Variants in NUGGC observed in about 807,000 individuals in gnomAD.
NUGGC encodes nuclear GTPase, germinal center associated.
A neutral mutation model predicts 92.6 loss-of-function variants in NUGGC; 58 were observed. The ratio of observed to expected loss-of-function variants is 0.63; its 90% CI spans 0.51 to 0.78. The LOEUF (loss-of-function observed/expected upper bound fraction) is 0.78, where lower values mean the gene tolerates loss of function less well. NUGGC is among the 30% of genes least tolerant of loss of function. The pLI, the probability that NUGGC is intolerant of heterozygous loss-of-function variation, is 0.00. For synonymous variants in NUGGC, 376 were observed against 366.4 expected, an observed-to-expected ratio of 1.03 and a Z score of -0.30; for missense variants, 925 against 964.6, an observed-to-expected ratio of 0.96 and a Z score of 0.54.
Position 28,068,124 on chromosome 8 carries a change from A to C in NUGGC, c.480+92T>G, listed in dbSNP as rs1810491221. On this transcript the variant is annotated intron_variant, in intron 5 of 18. Coordinates refer to ENST00000413272, the MANE Select transcript of NUGGC (RefSeq NM_001010906.2). Reference sequence around the variant, plus strand: ...GGGAGAGAGGGAGGGAAGAGGAAGGAAGGAAGAAAGAAAGGAAGGAGGGAA... The same window carrying C: ...GGGAGAGAGGGAGGGAAGAGGAAGGCAGGAAGAAAGAAAGGAAGGAGGGAA... 2 of 720,514 alleles carry C rather than the reference A, an allele frequency of 2.8e-6. 1 individual carries two copies. 44.6% of individuals were successfully genotyped at this position (720,514 alleles called of 1,614,324 possible). A position where few individuals can be genotyped will look rare whatever the true frequency, so the allele number is the denominator to read the frequency against.
chr8:28,045,548 G>A lies in NUGGC; in HGVS notation c.1425C>T (p.Phe475=). 6.2e-7 allele frequency: 1 copy of A among 1,612,414 alleles called. No individual in the cohort carries two copies. Among genetic ancestry groups the A allele is most frequent in the Non-Finnish European group, 8.5e-7 (1 of 1,179,684 alleles). ...AFGLLLLTDS[F]NSTQNLPNEH... is the part of the protein sequence containing the mutation. ...ATACCGGCAGGTTTTGCGTGGAGTT[G>A]AAACTATCTGTGAGGAGCAACAGGC... is the stretch of plus-strand genomic sequence containing the variant. The change falls in exon 12 of 19, where the codon TTC becomes TTT. Residue 475 remains phenylalanine (F), a synonymous_variant. Coordinates refer to ENST00000413272, the MANE Select transcript of NUGGC (RefSeq NM_001010906.2).
At chr8:28,081,592 C>T (rs1283367105) in intron 1 of NUGGC, among the ~76,000 whole-genome samples, 2 of 151,996 alleles carry the variant, frequency 1.3e-5, no homozygotes, top group Admixed American at 1.3e-4. Context: ...AAAGAATCTT[C>T]GATCAGCTGG....
chr8:28,037,597 C>T (rs533960713), intron 13 of NUGGC, among the ~76,000 whole-genome samples: 1 of 152,314 alleles, frequency 6.6e-6, no homozygotes, highest in East Asian at 1.9e-4. Context: ...GAACTCTACT[C>T]CTGCCTCCAG....
At chr8:28,033,363 G>A (rs2130090289) in intron 14 of NUGGC, among the ~76,000 whole-genome samples, 177 bp downstream of exon 14, 1 of 152,294 alleles carries the variant, frequency 6.6e-6, no homozygotes, top group East Asian at 1.9e-4. Context: ...GTCATCATGG[G>A]AAATTTTTAA....
chr8:28,041,658 A>T (rs1337821473), intron 12 of NUGGC, among the ~76,000 whole-genome samples: 1 of 152,224 alleles, frequency 6.6e-6, no homozygotes, highest in Non-Finnish European at 1.5e-5. Flanking sequence ...ATACAAATCA[A>T]CAGGAGATCT....
At chr8:28,033,832 T>C (rs1483909377) in intron 13 of NUGGC, 135 bp from the exon 14 acceptor site, 16 of 821,486 alleles carry the variant, frequency 1.9e-5, no homozygotes, top group Non-Finnish European at 3.1e-5. Flanking sequence ...TTTAAATATA[T>C]GATTAAACTA....
In NUGGC at chr8:28,034,766, G is replaced by A. The variant is rs570377945; in HGVS notation, c.1612-1069C>T. Among the ~76,000 whole-genome samples the A allele has an allele frequency of 1.4e-4, 21 of 152,132 alleles. No individual in the cohort carries two copies. The East Asian group carries it at 2.7e-3, about 20-fold the overall frequency. On this transcript the variant is annotated intron_variant, in intron 13 of 18. Transcript: ENST00000413272. ...TGGGAGGCAGAGGTTGCAGTGAGCC[G>A]AGATCGCAGCACTGCACTCCAGCCT...
rs572233207 is a variant in NUGGC, at chr8:28,063,836, G to T, written c.921+686C>A. On this transcript the variant is annotated intron_variant, in intron 7 of 18. Coordinates refer to ENST00000413272, the MANE Select transcript of NUGGC (RefSeq NM_001010906.2). Reference sequence around the variant, plus strand: ...TGCTGCTCACAACTCACTGATGCTGGTCCCCCTCTCCCAGTCCCCTTCCAG... The same window carrying T: ...TGCTGCTCACAACTCACTGATGCTGTTCCCCCTCTCCCAGTCCCCTTCCAG... 2.6e-5 allele frequency among the ~76,000 whole-genome samples: 4 copies of T among 152,218 alleles called. No homozygotes were observed. The East Asian group carries it at 7.7e-4, about 29-fold the overall frequency.
intron 1 of NUGGC, among the ~76,000 whole-genome samples, chr8:28,082,204 T>C (rs575830015): frequency 2.0e-5 from 3 of 152,338 alleles, no homozygotes; most frequent in African/African-American, 7.2e-5. Context: ...GTTTTCAGCA[T>C]TAACACATCG....
At chr8:28,078,196 A>T (rs1291196432) in intron 1 of NUGGC, among the ~76,000 whole-genome samples, 1 of 152,316 alleles carries the variant, frequency 6.6e-6, no homozygotes, top group South Asian at 2.1e-4. Context: ...ATTTGGAATC[A>T]TTGGAAATTA....
At position 28,067,509 on chromosome 8, in the gene NUGGC, G is replaced by A. The variant is rs760175338; in HGVS notation, c.711+5C>T. ...AAATCAAGGAAAAAACGAACTTGAC[G>A]CTACCTCTTCCGCCTTGAGGGTGAT... On this transcript the variant is annotated splice_donor_5th_base_variant and intron_variant, in intron 6 of 18. Transcript: ENST00000413272. 8.8e-6 allele frequency: 14 copies of A among 1,590,416 alleles called. No individual in the cohort carries two copies. The highest frequency in any genetic ancestry group is 6.7e-5 in the African/African-American group (5 of 74,472).
Position 28,023,157 on chromosome 8 carries a change from G to C in NUGGC, c.*160C>G. The C allele has an allele frequency of 1.4e-6, 1 of 702,680 alleles. No homozygotes were observed. Among genetic ancestry groups the C allele is most frequent in the South Asian group, 2.2e-5 (1 of 46,282 alleles). 43.5% of individuals were successfully genotyped at this position (702,680 alleles called of 1,614,324 possible). A position where few individuals can be genotyped will look rare whatever the true frequency, so the allele number is the denominator to read the frequency against. ...GGAGGCTGAGGCTGGAGGATCGCTT[G>C]AGCCTAGGAGTTCGAGGCTGCAGTG... On this transcript the variant is annotated 3_prime_UTR_variant, in exon 19 of 19. Coordinates refer to ENST00000413272, the MANE Select transcript of NUGGC (RefSeq NM_001010906.2).
intron 8 of NUGGC, among the ~76,000 whole-genome samples, chr8:28,059,750 A>G (rs1049451559): frequency 2.6e-5 from 4 of 152,128 alleles, no homozygotes; most frequent in African/African-American, 7.2e-5. Context: ...GGCTGGGTGC[A>G]GTGGCTCACA....
rs530044454 is a variant in NUGGC at position 28,030,894 on chromosome 8, T to C, written c.1908+349A>G. Among the ~76,000 whole-genome samples the C allele has an allele frequency of 1.1e-4, 16 of 152,328 alleles. No homozygotes were observed. The South Asian group carries it at 2.1e-3, about 20-fold the overall frequency. On this transcript the variant is annotated intron_variant, in intron 15 of 18. Transcript: ENST00000413272. ...CTGCATCGGATGCTACTTTGTAACA[T>C]TGGCAAAAATGATAGGTTAGTGAAA...
intron 13 of NUGGC, among the ~76,000 whole-genome samples, chr8:28,040,821 A>G (rs1809676114): frequency 6.6e-6 from 1 of 151,850 alleles, no homozygotes. Context: ...TAATTTTTGT[A>G]TTTTTAGTAG....
At chr8:28,073,006 T>TC (rs1491116694) in intron 2 of NUGGC, among the ~76,000 whole-genome samples, 7 of 40,896 alleles carry the variant, frequency 1.7e-4, no homozygotes, top group Admixed American at 1.3e-3. Context: ...ACTGTTGAAA[T>TC]TTTTTTTTTT....
chr8:28,037,101 G>A (rs538885443), intron 13 of NUGGC, among the ~76,000 whole-genome samples: 6 of 152,084 alleles, frequency 3.9e-5, no homozygotes, highest in Non-Finnish European at 5.9e-5. Flanking sequence ...ACGATTCCTC[G>A]TTTATCCAGC....
rs372657420 is a variant in NUGGC, at chr8:28,023,343, C to T, written c.2365G>A (p.Ala789Thr). 4 of 1,613,734 alleles carry T rather than the reference C, an allele frequency of 2.5e-6. No individual in the cohort carries two copies. Among genetic ancestry groups the T allele is most frequent in the Middle Eastern group, 1.6e-4 (1 of 6,062 alleles). Residue 789 changes from alanine (A) to threonine (T), a missense_variant, in exon 19 of 19, where the codon GCT (alanine) becomes ACT (threonine). Coordinates refer to ENST00000413272, the MANE Select transcript of NUGGC (RefSeq NM_001010906.2). ...TACAGTGATGTCCCGGGGGGGCCAG[C>T]CTTGCTGGGGGATGCCCTTAGGAGG... Reference protein sequence around the residue: ...EFLLRASPSKAGPPGTSL With the variant: ...EFLLRASPSKTGPPGTSL
intron 14 of NUGGC, 37 bp downstream of exon 14, chr8:28,033,503 G>A: frequency 1.9e-6 from 3 of 1,593,000 alleles, no homozygotes; most frequent in Non-Finnish European, 2.6e-6. Context: ...TTCTTCCGAT[G>A]TTTGTTCCCG....
Sources: allele counts gnomAD v4.1 joint callset (sites outside exome capture counted in the v4.1 genomes callset), GRCh38; gene constraint gnomAD v4.1.1; transcripts MANE v1.5; gene names NCBI Gene and HGNC (gene_info 2026-07-23, HGNC 2026-07-21).